Variants in KIAA0319 observed in about 807,000 individuals in gnomAD.
KIAA0319 encodes the protein KIAA0319.
Under a neutral mutation model 108.4 loss-of-function variants are expected in KIAA0319, and 83 were observed. The observed-to-expected ratio is 0.77, with a 90% CI of 0.64 to 0.92. The LOEUF is 0.92. Among genes scored for constraint, KIAA0319 ranks in the 40% least tolerant of loss-of-function variants. KIAA0319 has a pLI of 0.00. For missense variants in KIAA0319, 1,195 were observed against 1,322.4 expected, an observed-to-expected ratio of 0.90 and a Z score of 1.49; for synonymous variants, 484 against 510.4, an observed-to-expected ratio of 0.95 and a Z score of 0.70.
At chr6:24,571,256 A>G (rs1764685902) in intron 11 of KIAA0319, among the ~76,000 whole-genome samples, 1 of 151,502 alleles carries the variant, frequency 6.6e-6, no homozygotes, top group African/African-American at 2.4e-5. Context: ...AAACCAAAAA[A>G]AAGGGCCAGG....
chr6:24,578,070 T>C (rs1434173260), intron 9 of KIAA0319, 40 bp downstream of exon 9: 1 of 1,550,822 alleles, frequency 6.4e-7, no homozygotes, highest in Non-Finnish European at 8.7e-7. Flanking sequence ...AGTCAAAATG[T>C]AAGTAGCAGG....
intron 1 of KIAA0319, among the ~76,000 whole-genome samples, chr6:24,630,344 A>G (rs1261472740): frequency 6.6e-6 from 1 of 151,482 alleles, no homozygotes; most frequent in Admixed American, 6.6e-5. Context: ...CCCTTTCTCT[A>G]TTAAAAATAA....
Position 24,596,140 on chromosome 6 carries a change from C to G in KIAA0319, c.534G>C (p.Gly178=), listed in dbSNP as rs1256552001. 7 of 1,613,986 alleles carry G rather than the reference C, an allele frequency of 4.3e-6. No homozygotes were observed. The highest frequency in any genetic ancestry group is 5.9e-6 in the Non-Finnish European group (7 of 1,180,014). The part of the protein sequence containing the change: ...LQPSGKQEPR[G]SAEYTDWGLL... ...GGCCCCAGTCCGTGTACTCGGCACTCCCTCTGGGCTCCTGCTTGCCACTGG... is the reference window on the plus strand; with the variant it reads ...GGCCCCAGTCCGTGTACTCGGCACTGCCTCTGGGCTCCTGCTTGCCACTGG... Residue 178 remains glycine (G), a synonymous_variant, in exon 3 of 21, where the codon GGG becomes GGC. Coordinates refer to ENST00000378214, the MANE Select transcript of KIAA0319 (RefSeq NM_014809.4).
rs538701300 is a variant in KIAA0319 at position 24,644,893 on chromosome 6, A to T, written c.-106+843T>A. Among the ~76,000 whole-genome samples, 12 of 152,340 alleles carry T rather than the reference A, an allele frequency of 7.9e-5. No individual in the cohort carries two copies. The East Asian group carries it at 2.3e-3, about 29-fold the overall frequency. On this transcript the variant is annotated intron_variant, in intron 1 of 20. Transcript: ENST00000378214. ...CTTTCTCTGTGACTCCTACGTCTATAACTGAACTGACACCTCCAGTTTTCC... is the reference window on the plus strand; with the variant it reads ...CTTTCTCTGTGACTCCTACGTCTATTACTGAACTGACACCTCCAGTTTTCC...
intron 1 of KIAA0319, among the ~76,000 whole-genome samples, chr6:24,605,770 GCTT>G (rs911204299): frequency 3.3e-4 from 50 of 151,768 alleles, no homozygotes; most frequent in African/African-American, 1.2e-3. Flanking sequence ...TTCCTTTTTT[GCTT>G]CTTTTCTGAT....
In KIAA0319 at chr6:24,576,415, C is replaced by G. The variant is rs149834632; in HGVS notation, c.1687G>C (p.Glu563Gln). 1.0e-4 allele frequency: 167 copies of G among 1,614,176 alleles called. No homozygotes were observed. The African/African-American group carries it at 2.1e-3, about 20-fold the overall frequency. The change falls in exon 10 of 21, where the codon GAG becomes CAG. Residue 563 changes from glutamate to glutamine, a missense_variant. Glu to Gln is a conservative substitution (Grantham distance 29). Coordinates refer to ENST00000378214, the MANE Select transcript of KIAA0319 (RefSeq NM_014809.4). ...SSDDHQIVLY[E>Q]WSLGPGSEGK... is the part of the protein sequence containing the mutation. Reference sequence around the variant, plus strand: ...TCACTCCCAGGACCCAGGGACCACTCATAGAGGACAATCTGGTGATCGTCA... The same window carrying G: ...TCACTCCCAGGACCCAGGGACCACTGATAGAGGACAATCTGGTGATCGTCA...
intron 1 of KIAA0319, among the ~76,000 whole-genome samples, chr6:24,636,789 T>A (rs561015789): frequency 3.3e-5 from 5 of 152,282 alleles, no homozygotes; most frequent in East Asian, 1.9e-4. Flanking sequence ...TTTCCTTTTT[T>A]AAAAATTTTT....
intron 6 of KIAA0319, 46 bp downstream of exon 6, chr6:24,582,203 G>C (rs775834166): frequency 9.5e-7 from 1 of 1,057,220 alleles, no homozygotes; most frequent in Non-Finnish European, 1.5e-6. Context: ...TGAGCTCTAT[G>C]CCGTTACGCT....
intron 1 of KIAA0319, among the ~76,000 whole-genome samples, chr6:24,601,623 C>G (rs1224492770): frequency 1.3e-5 from 2 of 152,214 alleles, no homozygotes; most frequent in Non-Finnish European, 2.9e-5. Flanking sequence ...CAGTGGGAAG[C>G]TGCAGGCAGC....
chr6:24,592,984 TA>T (rs144515519), intron 3 of KIAA0319, among the ~76,000 whole-genome samples: 24,739 of 151,940 alleles, frequency 0.16, 2,137 homozygotes, highest in South Asian at 0.32. Flanking sequence ...AAAATTAAAA[TA>T]AGATAAAAAT....
intron 1 of KIAA0319, among the ~76,000 whole-genome samples, chr6:24,614,427 A>G (rs148570700): frequency 2.0e-4 from 30 of 152,288 alleles, no homozygotes; most frequent in Admixed American, 7.8e-4. Context: ...TCCTCTAGAC[A>G]AGTCCCAAGG....
intron 1 of KIAA0319, among the ~76,000 whole-genome samples, chr6:24,612,564 T>G (rs1311600842): frequency 6.6e-6 from 1 of 152,178 alleles, no homozygotes; most frequent in Non-Finnish European, 1.5e-5. Context: ...AATGAAATAC[T>G]TTGCATTAGT....
chr6:24,552,772 A>C (rs1761692662), intron 19 of KIAA0319, among the ~76,000 whole-genome samples: 1 of 152,040 alleles, frequency 6.6e-6, no homozygotes, highest in African/African-American at 2.4e-5. Flanking sequence ...CGCCCAGCTA[A>C]TTTTGTATTT....
intron 3 of KIAA0319, among the ~76,000 whole-genome samples, chr6:24,594,628 CA>C (rs35385464): frequency 4.0e-4 from 35 of 86,798 alleles, no homozygotes; most frequent in African/African-American, 5.2e-4. Context: ...CTCTGTCTCA[CA>C]AAAAAAAAAC....
rs1305319540 is a variant in KIAA0319 at position 24,563,518 on chromosome 6, T to C, written c.2432A>G (p.Asp811Gly). Residue 811 changes from aspartate to glycine, a missense_variant and splice_region_variant, in exon 16 of 21, where the codon GAC becomes GGC. Physicochemically the swap from Asp to Gly is moderately conservative, Grantham distance 94 (BLOSUM62 -1). Coordinates refer to ENST00000378214, the MANE Select transcript of KIAA0319 (RefSeq NM_014809.4). ...TDTATVEVQP[D>G]PRKSGLVELT... ...CTCCACCAGGCCACTCTTCCTAGGG[T>C]CTGGGGAAAGAGAAGATACAGGATT... 1 of 1,605,274 alleles carries C rather than the reference T, an allele frequency of 6.2e-7. No homozygotes were observed. The highest frequency in any genetic ancestry group is 8.5e-7 in the Non-Finnish European group (1 of 1,177,182).
At chr6:24,567,832 T>G (rs776811206) in intron 13 of KIAA0319, among the ~76,000 whole-genome samples, 3 of 152,112 alleles carry the variant, frequency 2.0e-5, no homozygotes, top group African/African-American at 4.8e-5. Context: ...AGCCTCAATT[T>G]GGAGATGAGG....
intron 12 of KIAA0319, 75 bp from the exon 13 acceptor site, chr6:24,569,004 T>C (rs959622061): frequency 5.5e-6 from 8 of 1,456,012 alleles, no homozygotes; most frequent in Non-Finnish European, 6.7e-6. Flanking sequence ...CGATTTGTGC[T>C]CTTATAAATG....
intron 1 of KIAA0319, among the ~76,000 whole-genome samples, chr6:24,641,927 G>C (rs956761535): frequency 2.4e-4 from 36 of 151,514 alleles, no homozygotes; most frequent in African/African-American, 8.7e-4. Flanking sequence ...AGTTACTCAG[G>C]AGGCTGAGGT....
chr6:24,587,688 G>A (rs1468784518), intron 4 of KIAA0319, among the ~76,000 whole-genome samples: 1 of 152,044 alleles, frequency 6.6e-6, no homozygotes, highest in East Asian at 1.9e-4. Flanking sequence ...CTGGGTTCAA[G>A]CAATTCTCCT....
Sources: gnomAD v4.1 joint callset for allele counts (sites outside exome capture counted in the v4.1 genomes callset) on GRCh38, gnomAD v4.1.1 for gene constraint, MANE v1.5 for transcripts, NCBI Gene and HGNC (gene_info 2026-07-23, HGNC 2026-07-21) for gene names.